Variants in SAXO1 observed in about 807,000 individuals in gnomAD.
SAXO1 encodes 4930500O09Rik.
In SAXO1, 21 loss-of-function variants were observed where a neutral mutation model predicts 17.5. That is an observed-to-expected ratio of 1.20 (90% CI 0.85 to 1.72). The LOEUF is 1.72. Ranked by LOEUF, SAXO1 falls within the 40% of genes most tolerant of loss-of-function variation. The probability of loss-of-function intolerance (pLI) is 0.00; values close to 1 mark genes in which losing one functional copy is unlikely to be tolerated. For synonymous variants in SAXO1, 274 were observed against 216.5 expected, an observed-to-expected ratio of 1.27 and a Z score of -2.33; for missense variants, 843 against 596.0, an observed-to-expected ratio of 1.41 and a Z score of -4.32.
intron 1 of SAXO1, among the ~76,000 whole-genome samples, chr9:19,011,568 T>C (rs987777475): frequency 1.3e-5 from 2 of 152,218 alleles, no homozygotes; most frequent in African/African-American, 4.8e-5. Context: ...GTCAACATCC[T>C]ATCGGCAAAT....
At chr9:19,036,071 C>G (rs1370140034), upstream of SAXO1, among the ~76,000 whole-genome samples, 1 of 130,236 alleles carries the variant, frequency 7.7e-6, no homozygotes, top group Non-Finnish European at 1.5e-5. Flanking sequence ...CACATGGACA[C>G]AGGGAGGGGA....
At chr9:19,035,406 G>A (rs1332877578), upstream of SAXO1, among the ~76,000 whole-genome samples, 1 of 152,126 alleles carries the variant, frequency 6.6e-6, no homozygotes, top group Non-Finnish European at 1.5e-5. Context: ...CCAGCCATGT[G>A]GAACTGTAAG....
chr9:18,992,960 C>A (rs993771155), intron 1 of SAXO1, among the ~76,000 whole-genome samples: 2 of 151,906 alleles, frequency 1.3e-5, no homozygotes, highest in Non-Finnish European at 2.9e-5. Flanking sequence ...ACCACCACAC[C>A]CAGGTAATTT....
chr9:19,009,550 A>T (rs1164669918), intron 1 of SAXO1, among the ~76,000 whole-genome samples: 1 of 151,776 alleles, frequency 6.6e-6, no homozygotes, highest in East Asian at 1.9e-4. Context: ...CCCCAGGTGG[A>T]AACTGTGAAG....
chr9:18,937,081 C>T (rs1831326786), intron 3 of SAXO1, among the ~76,000 whole-genome samples: 1 of 152,200 alleles, frequency 6.6e-6, no homozygotes, highest in African/African-American at 2.4e-5. Context: ...GGTCATAAAA[C>T]ATGAAGGTTG....
upstream of SAXO1, among the ~76,000 whole-genome samples, chr9:19,037,674 G>T (rs570359916): frequency 6.6e-6 from 1 of 152,194 alleles, no homozygotes; most frequent in African/African-American, 2.4e-5. Context: ...CAAGTCTCAG[G>T]TATGCCTTTA....
intron 1 of SAXO1, among the ~76,000 whole-genome samples, chr9:19,004,818 T>A (rs1428198684): frequency 3.3e-5 from 5 of 152,218 alleles, no homozygotes; most frequent in Admixed American, 3.3e-4. Context: ...TGTATCTATG[T>A]AGCAAACCTG....
upstream of SAXO1, among the ~76,000 whole-genome samples, chr9:19,034,879 T>C (rs1027656301): frequency 1.3e-5 from 2 of 152,192 alleles, no homozygotes; most frequent in African/African-American, 4.8e-5. Flanking sequence ...TATCCATAAA[T>C]CTTTCAGCAG....
At chr9:19,011,848 G>GTTTTTTTTTTTTTTTTTT (rs10646825) in intron 1 of SAXO1, among the ~76,000 whole-genome samples, 3 of 143,522 alleles carry the variant, frequency 2.1e-5, no homozygotes, top group South Asian at 2.2e-4. Context: ...ATTAAGCATA[G>GTTTTTTTTTTTTTTTTTT]ATTTTTTTTT....
intron 1 of SAXO1, among the ~76,000 whole-genome samples, chr9:19,023,664 G>C (rs575343715): frequency 6.6e-6 from 1 of 152,266 alleles, no homozygotes; most frequent in East Asian, 1.9e-4. Flanking sequence ...GAATGGAATG[G>C]AGATAATATA....
At chr9:18,971,965 T>G (rs1485321926) in intron 1 of SAXO1, among the ~76,000 whole-genome samples, 1 of 152,234 alleles carries the variant, frequency 6.6e-6, no homozygotes. Context: ...CAGGTTTTGC[T>G]TTTGTTACTT....
chr9:18,984,348 G>A (rs1833510688), intron 1 of SAXO1, among the ~76,000 whole-genome samples: 1 of 152,198 alleles, frequency 6.6e-6, no homozygotes, highest in African/African-American at 2.4e-5. Context: ...CTGAAACTTT[G>A]AAGCCAGGCA....
At chr9:19,032,164 C>G (rs769518515) in intron 1 of SAXO1, among the ~76,000 whole-genome samples, 1 of 152,146 alleles carries the variant, frequency 6.6e-6, no homozygotes, top group African/African-American at 2.4e-5. Flanking sequence ...TCCTCTGCTG[C>G]CCACTCCCTG....
intron 1 of SAXO1, among the ~76,000 whole-genome samples, chr9:19,010,798 AG>A (rs1485724969): frequency 6.6e-6 from 1 of 152,214 alleles, no homozygotes; most frequent in Admixed American, 6.5e-5. Context: ...GGCAGTGAGG[AG>A]GGGAAACCTT....
chr9:19,010,329 A>C (rs142134432), intron 1 of SAXO1, among the ~76,000 whole-genome samples: 232 of 152,252 alleles, frequency 1.5e-3, no homozygotes, highest in African/African-American at 5.2e-3. Context: ...GCTGGAACCC[A>C]CATTTCCTGC....
chr9:19,013,279 C>G (rs571212808), intron 1 of SAXO1, among the ~76,000 whole-genome samples: 52 of 152,318 alleles, frequency 3.4e-4, no homozygotes, highest in African/African-American at 1.1e-3. Flanking sequence ...GCCTAAAGAT[C>G]TTCACCACTG....
chr9:18,932,217 T>G (rs981795107), intron 3 of SAXO1, among the ~76,000 whole-genome samples: 2 of 152,262 alleles, frequency 1.3e-5, no homozygotes, highest in Non-Finnish European at 2.9e-5. Context: ...CTTTTGAGTT[T>G]GGATGCGGTA....
intron 1 of SAXO1, among the ~76,000 whole-genome samples, chr9:18,960,291 C>T (rs1445229412): frequency 1.3e-5 from 2 of 152,162 alleles, no homozygotes; most frequent in African/African-American, 2.4e-5. Context: ...AACATGTCCA[C>T]AACTCTTTCA....
At chr9:18,967,587 C>A (rs1024523113) in intron 1 of SAXO1, among the ~76,000 whole-genome samples, 9 of 152,134 alleles carry the variant, frequency 5.9e-5, no homozygotes, top group Non-Finnish European at 1.0e-4. Context: ...TAGTGGATGC[C>A]CCTCCCCCAA....
Sources: gnomAD v4.1 joint callset for allele counts (sites outside exome capture counted in the v4.1 genomes callset) on GRCh38, gnomAD v4.1.1 for gene constraint, MANE v1.5 for transcripts, NCBI Gene and HGNC (gene_info 2026-07-23, HGNC 2026-07-21) for gene names.